RNF19A: variants seen among roughly 807,000 people sequenced by gnomAD.
RNF19A encodes the protein E3 ubiquitin-protein ligase RNF19A.
Under a neutral mutation model 75.7 loss-of-function variants are expected in RNF19A, and 32 were observed. The ratio of observed to expected loss-of-function variants is 0.42; its 90% CI spans 0.32 to 0.57. The LOEUF is 0.57. Among genes scored for constraint, RNF19A ranks in the 20% least tolerant of loss-of-function variants. The pLI is 0.10. For synonymous variants in RNF19A, 335 were observed against 345.2 expected, an observed-to-expected ratio of 0.97 and a Z score of 0.33; for missense variants, 782 against 1,036.3, an observed-to-expected ratio of 0.75 and a Z score of 3.37.
At chr8:100,265,073 T>C (rs1819907831) in intron 5 of RNF19A, among the ~76,000 whole-genome samples, 1 of 152,222 alleles carries the variant, frequency 6.6e-6, no homozygotes, top group African/African-American at 2.4e-5. Flanking sequence ...TGTAATTATG[T>C]ATCGAGCAAA....
At position 100,329,460 on chromosome 8, in the gene RNF19A, CAAAA is replaced by C. The variant is rs1172629087; in HGVS notation, c.-243+6644_-243+6647del. 6.6e-6 allele frequency among the ~76,000 whole-genome samples: 1 copy of C among 151,778 alleles called. No homozygotes were observed. The highest frequency in any genetic ancestry group is 6.6e-5 in the Admixed American group (1 of 15,244). The stretch of plus-strand genomic sequence containing the variant: ...AAACAAAACAAAACAAACAAACAAA[CAAAA>C]AAAGTCAGTGAATCTTAGGTTGCAT... On this transcript the variant is annotated intron_variant, in intron 1 of 3. Coordinates refer to the RNF19A transcript ENST00000519527. The surrounding 1 kb of genome is among the most constrained non-coding windows in gnomAD (Gnocchi z 4.3).
chr8:100,316,157 C>T (rs911727168), intron 1 of RNF19A, among the ~76,000 whole-genome samples: 10 of 152,216 alleles, frequency 6.6e-5, no homozygotes, highest in Non-Finnish European at 2.9e-5. Context: ...AGTGTTACAG[C>T]TCTTAAGACG....
At chr8:100,310,054 AG>A (rs1822241569), upstream of RNF19A, 1 of 985,328 alleles carries the variant, frequency 1.0e-6, no homozygotes, top group Admixed American at 6.2e-5. Flanking sequence ...CCTCCTCCGC[AG>A]TTGTGGCTCG....
Position 100,329,404 on chromosome 8 carries a change from G to A in RNF19A, c.-243+6704C>T, listed in dbSNP as rs1164988909. On this transcript the variant is annotated intron_variant, in intron 1 of 3. Transcript: ENST00000519527. The surrounding 1 kb of genome is among the most constrained non-coding windows in gnomAD (Gnocchi z 4.3). ...ATTTTAATGTTCACAAGCTCAAAAT[G>A]AGTGAGTTGTGATACAGTGCTGCAA... Among the ~76,000 whole-genome samples, 2 of 151,914 alleles carry A rather than the reference G, an allele frequency of 1.3e-5. No homozygotes were observed. The highest frequency in any genetic ancestry group is 4.8e-5 in the African/African-American group (2 of 41,370).
rs185102187 is a variant in RNF19A at position 100,260,044 on chromosome 8, C to T, written c.1683-47G>A. The stretch of plus-strand genomic sequence containing the variant: ...ACCAAAATTATATTTAATATCAGCA[C>T]TACTGTAATATGTATCTTTAAATAA... On this transcript the variant is annotated intron_variant, in intron 8 of 9. Transcript: ENST00000341084. This position sits in a 1 kb window ranked among gnomAD's most constrained non-coding sequence, Gnocchi z 4.1. 6.6e-7 allele frequency: 1 copy of T among 1,504,880 alleles called. No individual in the cohort carries two copies. Among genetic ancestry groups the T allele is most frequent in the Non-Finnish European group, 9.2e-7 (1 of 1,083,596 alleles). 93.2% of individuals were successfully genotyped at this position (1,504,880 alleles called of 1,614,324 possible). A position where few individuals can be genotyped will look rare whatever the true frequency, so the allele number is the denominator to read the frequency against.
chr8:100,261,072 C>T lies in RNF19A; in HGVS notation c.1682+470G>A, dbSNP rs926734208. On this transcript the variant is annotated intron_variant, in intron 8 of 9. Transcript: ENST00000341084. This position sits in a 1 kb window ranked among gnomAD's most constrained non-coding sequence, Gnocchi z 4.4. ...TGAAAAAATTGGCAGAATGTTATTC[C>T]TTAGACTTAGAAATCTACCACCAAA... 2.6e-5 allele frequency among the ~76,000 whole-genome samples: 4 copies of T among 151,944 alleles called. No individual in the cohort carries two copies. The highest frequency in any genetic ancestry group is 9.7e-5 in the African/African-American group (4 of 41,384).
At chr8:100,310,159 C>A (rs1158086839), upstream of RNF19A, 2 of 985,350 alleles carry the variant, frequency 2.0e-6, no homozygotes, top group Non-Finnish European at 2.4e-6. Context: ...TTCCTCCCGC[C>A]CCCGGCCGCC....
intron 1 of RNF19A, among the ~76,000 whole-genome samples, chr8:100,305,380 T>C (rs535683522): frequency 1.5e-4 from 23 of 152,292 alleles, no homozygotes; most frequent in African/African-American, 5.3e-4. Flanking sequence ...AGAAAAAGAC[T>C]ACAAAAAGAC....
intron 1 of RNF19A, among the ~76,000 whole-genome samples, chr8:100,316,767 G>C (rs1040056738): frequency 3.9e-5 from 6 of 152,250 alleles, no homozygotes; most frequent in Admixed American, 2.6e-4. Flanking sequence ...CGCACCGTGC[G>C]CTCTCGCACT....
At chr8:100,266,909 TAAGA>T (rs1563835841) in intron 5 of RNF19A, among the ~76,000 whole-genome samples, 1 of 152,214 alleles carries the variant, frequency 6.6e-6, no homozygotes, top group Non-Finnish European at 1.5e-5. Context: ...AACTAATTTT[TAAGA>T]AATAGTATAT....
chr8:100,266,629 G>A (rs76949422), intron 5 of RNF19A, among the ~76,000 whole-genome samples: 2 of 152,032 alleles, frequency 1.3e-5, no homozygotes, highest in Admixed American at 6.6e-5. Context: ...TCCCATCCCA[G>A]CTTCCTTAAT....
At chr8:100,267,908 C>T (rs1240722190) in intron 5 of RNF19A, among the ~76,000 whole-genome samples, 2 of 152,006 alleles carry the variant, frequency 1.3e-5, no homozygotes, top group East Asian at 3.9e-4. Flanking sequence ...GAACTCCTGA[C>T]CTCAGATGAT....
rs992515504 is a variant in RNF19A, at chr8:100,261,269, T to C, written c.1682+273A>G. Reference sequence around the variant, plus strand: ...GCCACCAAATCCGGCTAATTTTTTATATTTTTTTAGTAGAGATGGGGTTTC... The same window carrying C: ...GCCACCAAATCCGGCTAATTTTTTACATTTTTTTAGTAGAGATGGGGTTTC... On this transcript the variant is annotated intron_variant, in intron 8 of 9. Transcript: ENST00000341084. This position sits in a 1 kb window ranked among gnomAD's most constrained non-coding sequence, Gnocchi z 4.4. Among the ~76,000 whole-genome samples the C allele has an allele frequency of 1.1e-4, 17 of 151,926 alleles. No individual in the cohort carries two copies. Among genetic ancestry groups the C allele is most frequent in the Admixed American group, 6.6e-5 (1 of 15,250 alleles).
At chr8:100,282,564 G>T (rs1302138743) in intron 2 of RNF19A, among the ~76,000 whole-genome samples, 3 of 152,168 alleles carry the variant, frequency 2.0e-5, no homozygotes, top group Non-Finnish European at 4.4e-5. Context: ...CACTAGTCAT[G>T]AATTACAACT....
rs1428195069 is a variant in RNF19A, at chr8:100,288,086, A to G, written c.89T>C (p.Leu30Ser). 4.3e-6 allele frequency: 7 copies of G among 1,614,008 alleles called. No individual in the cohort carries two copies. Among genetic ancestry groups the G allele is most frequent in the Non-Finnish European group, 8.5e-7 (1 of 1,179,998 alleles). ...CATTTGCCGATGTAAACTCATGTCT[A>G]AAATGCTTGTTAGAATTGAGACAGG... ...TDPVSILTSI[L>S]DMSLHRQMGS... The change falls in exon 2 of 10, where the codon TTA (leucine) becomes TCA (serine). Residue 30 changes from leucine to serine, a missense_variant. This residue lies in a region of RNF19A where 148 missense variants were observed against 147.9 expected (regional missense o/e 1.00). Coordinates refer to ENST00000341084, the MANE Select transcript of RNF19A (RefSeq NM_183419.4).
chr8:100,315,794 G>A (rs1205587348), intron 1 of RNF19A, among the ~76,000 whole-genome samples: 2 of 152,138 alleles, frequency 1.3e-5, no homozygotes, highest in Non-Finnish European at 2.9e-5. Context: ...CAGGTGTGTG[G>A]CACCATGCCT....
Position 100,324,317 on chromosome 8 carries a change from A to G in RNF19A, c.-242-10945T>C, listed in dbSNP as rs1822500967. 2.6e-5 allele frequency among the ~76,000 whole-genome samples: 4 copies of G among 152,204 alleles called. No homozygotes were observed. The highest frequency in any genetic ancestry group is 2.6e-4 in the Admixed American group (4 of 15,278). The stretch of plus-strand genomic sequence containing the variant: ...ACTTGAGACTATTTTCAGAAGTACA[A>G]TCTGCAGCACAATCAAGTTCAAGAG... On this transcript the variant is annotated intron_variant, in intron 1 of 3. Transcript: ENST00000519527. This position sits in a 1 kb window ranked among gnomAD's most constrained non-coding sequence, Gnocchi z 4.2.
At chr8:100,309,192 A>G in intron 1 of RNF19A, 1 of 461,712 alleles carries the variant, frequency 2.2e-6, no homozygotes, top group Non-Finnish European at 2.8e-6. Flanking sequence ...CGGGGAGACA[A>G]TCCCGGAAGA....
intron 1 of RNF19A, among the ~76,000 whole-genome samples, chr8:100,289,519 G>A (rs1289920537): frequency 6.6e-6 from 1 of 152,074 alleles, no homozygotes; most frequent in Non-Finnish European, 1.5e-5. Flanking sequence ...GGACTTAACA[G>A]GCATTTCACA....
Sources: gnomAD v4.1 joint callset for allele counts (sites outside exome capture counted in the v4.1 genomes callset) on GRCh38, gnomAD v4.1.1 for gene constraint, gnomAD v4.1.1 regional missense constraint, Gnocchi (gnomAD v3.1) non-coding constraint, MANE v1.5 for transcripts, NCBI Gene and HGNC (gene_info 2026-07-23, HGNC 2026-07-21) for gene names.